Variants in CAPN15 observed in about 807,000 individuals in gnomAD.
CAPN15 encodes the protein calpain-15.
Under a neutral mutation model 97.9 loss-of-function variants are expected in CAPN15, and 53 were observed. That is an observed-to-expected ratio of 0.54 (90% CI 0.43 to 0.68). The LOEUF is 0.68. CAPN15 is among the 30% of genes least tolerant of loss of function. CAPN15 has a pLI of 0.00. For synonymous variants in CAPN15, 922 were observed against 722.5 expected, an observed-to-expected ratio of 1.28 and a Z score of -4.43; for missense variants, 1,592 against 1,589.8, an observed-to-expected ratio of 1.00 and a Z score of -0.02.
chr16:547,345 A>G lies in CAPN15; in HGVS notation c.507A>G (p.Pro169=). 1.3e-6 allele frequency: 2 copies of G among 1,542,556 alleles called. No homozygotes were observed. Among genetic ancestry groups the G allele is most frequent in the Non-Finnish European group, 1.7e-6 (2 of 1,150,892 alleles). ...VASSCSVCGG[P]RRLSLPRIPP... ...GCTCCTGCTCCGTCTGCGGGGGCCC[A>G]CGCAGGCTCTCGCTGCCACGGATCC... Residue 169 remains proline, a synonymous_variant, in exon 4 of 14, where the codon CCA becomes CCG. Coordinates refer to ENST00000219611, the MANE Select transcript of CAPN15 (RefSeq NM_005632.3).
intron 3 of CAPN15, among the ~76,000 whole-genome samples, chr16:542,797 T>C (rs2034215837): frequency 6.6e-6 from 1 of 152,006 alleles, no homozygotes; most frequent in Non-Finnish European, 1.5e-5. Flanking sequence ...CTCACGCCTG[T>C]AATCCCAGCA....
rs1334338368 is a variant in CAPN15 at position 547,720 on chromosome 16, G to A, written c.882G>A (p.Arg294=). 11 of 1,601,108 alleles carry A rather than the reference G, an allele frequency of 6.9e-6. No homozygotes were observed. Among genetic ancestry groups the A allele is most frequent in the Admixed American group, 1.7e-5 (1 of 59,442 alleles). Residue 294 remains arginine, a synonymous_variant, in exon 4 of 14, where the codon CGG becomes CGA. Transcript: ENST00000219611. The stretch of plus-strand genomic sequence containing the variant: ...TAGCAGAGTTGCTGTCTGGCAAGCG[G>A]CTGAGTGTGCTGGAGGAAGAGGCCA... ...SRLAELLSGK[R]LSVLEEEATE...
At chr16:533,344 C>T (rs907910887) in intron 1 of CAPN15, among the ~76,000 whole-genome samples, 9 of 152,336 alleles carry the variant, frequency 5.9e-5, no homozygotes, top group African/African-American at 9.6e-5. Flanking sequence ...TCCTGCCCAC[C>T]GCAGTGGGTC....
At chr16:544,866 G>A (rs1207375089) in intron 3 of CAPN15, among the ~76,000 whole-genome samples, 57 of 80,962 alleles carry the variant, frequency 7.0e-4, no homozygotes, top group Non-Finnish European at 8.5e-4. Context: ...CCCCCACGTC[G>A]CCTCCCCTCA....
At chr16:544,191 G>GC (rs572228843) in intron 3 of CAPN15, among the ~76,000 whole-genome samples, 8 of 152,174 alleles carry the variant, frequency 5.3e-5, no homozygotes, top group Non-Finnish European at 1.2e-4. Flanking sequence ...CACCACGCCT[G>GC]CCCCTCAGAG....
chr16:529,183 C>G (rs1331653622), intron 1 of CAPN15, among the ~76,000 whole-genome samples: 1 of 152,006 alleles, frequency 6.6e-6, no homozygotes, highest in East Asian at 1.9e-4. Context: ...CTCCAGAGCT[C>G]CTTGATTGGC....
chr16:528,192 G>T (rs1324004512), intron 1 of CAPN15, among the ~76,000 whole-genome samples, 163 bp downstream of exon 1: 1 of 151,572 alleles, frequency 6.6e-6, no homozygotes, highest in Admixed American at 6.6e-5. Context: ...CAGGGCCCCC[G>T]GAGTGGGGTC....
At chr16:538,851 G>A (rs916987399) in intron 3 of CAPN15, 1 of 151,962 alleles carries the variant, frequency 6.6e-6, no homozygotes, top group Non-Finnish European at 1.5e-5. Flanking sequence ...ATCGTCGCGG[G>A]GGAGAAGCTG....
chr16:536,633 G>C (rs535065192), intron 3 of CAPN15, among the ~76,000 whole-genome samples: 1 of 152,094 alleles, frequency 6.6e-6, no homozygotes, highest in Admixed American at 6.6e-5. Context: ...TCCATCTTGC[G>C]CAGGCTAGTC....
chr16:529,575 C>T (rs1315482605), intron 1 of CAPN15, among the ~76,000 whole-genome samples: 2 of 152,206 alleles, frequency 1.3e-5, no homozygotes, highest in Non-Finnish European at 2.9e-5. Flanking sequence ...GAAAATCCTC[C>T]GGAACCACAG....
At chr16:548,408 G>T in intron 4 of CAPN15, 121 bp downstream of exon 4, 1 of 1,033,666 alleles carries the variant, frequency 9.7e-7, no homozygotes, top group Non-Finnish European at 1.3e-6. Context: ...ACGTGATGGG[G>T]AGGGCAGCAC....
In CAPN15 at chr16:552,867, G is replaced by A. The variant is rs768119374; in HGVS notation, c.2909G>A (p.Arg970His). The change falls in exon 13 of 14, where the codon CGT becomes CAT. Residue 970 changes from arginine to histidine, a missense_variant. Arg to His is a conservative substitution (Grantham distance 29, BLOSUM62 0). This residue lies in a region of CAPN15 where 644 missense variants were observed against 699.6 expected (regional missense o/e 0.92). Coordinates refer to ENST00000219611, the MANE Select transcript of CAPN15 (RefSeq NM_005632.3). This position sits in a 1 kb window ranked among gnomAD's most constrained non-coding sequence, Gnocchi z 6.4. ...AACTGCCATTCCTGTGCCCAGGGCC[G>A]TGAGGGCATGACCTGCTACTACCTG... ...TESRGERHEGREGMTCYYLTH... is the reference protein window; with the variant it reads ...TESRGERHEGHEGMTCYYLTH... The A allele has an allele frequency of 2.3e-5, 36 of 1,578,372 alleles. No homozygotes were observed. The highest frequency in any genetic ancestry group is 3.4e-5 in the Admixed American group (2 of 58,450).
chr16:540,274 G>A, intron 3 of CAPN15: 1 of 985,508 alleles, frequency 1.0e-6, no homozygotes. Context: ...GGGTCCCCCG[G>A]CAGCGGCTGG....
chr16:534,199 G>T, intron 2 of CAPN15, among the ~76,000 whole-genome samples: 1 of 152,288 alleles, frequency 6.6e-6, no homozygotes, highest in East Asian at 1.9e-4. Flanking sequence ...CCTGTCGTGG[G>T]AGGCGACGGT....
chr16:545,884 G>A (rs1341707977), intron 3 of CAPN15, among the ~76,000 whole-genome samples: 10 of 152,346 alleles, frequency 6.6e-5, no homozygotes, highest in Admixed American at 3.9e-4. Flanking sequence ...CAGCCAGGCC[G>A]AGGAACGTGC....
rs1196491123 is a variant in CAPN15 at position 553,181 on chromosome 16, C to CCA, written c.3083+141_3083+142insAC. ...CCGCTGCACCCACACCCAACCCATG[C>CCA]CCCCCCCACCCCTGCAGAGGTGTGC... On this transcript the variant is annotated intron_variant, in intron 13 of 13. Coordinates refer to ENST00000219611, the MANE Select transcript of CAPN15 (RefSeq NM_005632.3). The CCA allele has an allele frequency of 1.2e-5, 2 of 173,142 alleles. 1 individual carries two copies. Among genetic ancestry groups the CCA allele is most frequent in the Non-Finnish European group, 2.2e-5 (2 of 89,710 alleles). 10.7% of individuals were successfully genotyped at this position (173,142 alleles called of 1,614,324 possible). A position where few individuals can be genotyped will look rare whatever the true frequency, so the allele number is the denominator to read the frequency against.
At chr16:541,009 C>T (rs562631044) in intron 3 of CAPN15, among the ~76,000 whole-genome samples, 56 of 152,242 alleles carry the variant, frequency 3.7e-4, no homozygotes, top group Non-Finnish European at 6.8e-4. Context: ...GCCAGTGCTG[C>T]AGTGGCCGCC....
rs199558762 is a variant in CAPN15 at position 549,112 on chromosome 16, C to T, written c.1569C>T (p.Cys523=). 8.1e-5 allele frequency: 130 copies of T among 1,612,416 alleles called. No individual in the cohort carries two copies. In the African/African-American group the frequency reaches 1.6e-3, roughly 19 times the overall value. ...GGCTGCGACCCCAGGAGATCAACTG[C>T]TCCGTCTTCAGGGACCACAGGGCCA... ...RQWLRPQEIN[C]SVFRDHRATW... Residue 523 remains cysteine, a synonymous_variant, in exon 5 of 14, where the codon TGC becomes TGT. Coordinates refer to ENST00000219611, the MANE Select transcript of CAPN15 (RefSeq NM_005632.3).
At chr16:549,935 C>T in intron 7 of CAPN15, 97 bp downstream of exon 7, 3 of 1,045,462 alleles carry the variant, frequency 2.9e-6, no homozygotes, top group Non-Finnish European at 4.2e-6. Context: ...CCCAGTTCTG[C>T]TTCCACGAGG....
Sources: allele counts gnomAD v4.1 joint callset (sites outside exome capture counted in the v4.1 genomes callset), GRCh38; gene constraint gnomAD v4.1.1; regional missense constraint gnomAD v4.1.1; non-coding constraint Gnocchi (gnomAD v3.1); transcripts MANE v1.5; gene names NCBI Gene and HGNC (gene_info 2026-07-23, HGNC 2026-07-21).